The following MAGI1 variants were observed in gnomAD, a reference collection of about 807,000 sequenced individuals.
MAGI1 encodes the protein membrane-associated guanylate kinase, WW and PDZ domain-containing protein 1.
Under a neutral mutation model 139.9 loss-of-function variants are expected in MAGI1, and 58 were observed. The observed-to-expected ratio is 0.41, with a 90% CI of 0.34 to 0.52. The LOEUF is 0.52. Ranked by LOEUF, MAGI1 falls within the 20% of genes least tolerant of loss-of-function variation. The pLI, the probability that MAGI1 is intolerant of heterozygous loss-of-function variation, is 0.12. For missense variants in MAGI1, 1,874 were observed against 1,901.6 expected, an observed-to-expected ratio of 0.99 and a Z score of 0.27; for synonymous variants, 812 against 737.9, an observed-to-expected ratio of 1.10 and a Z score of -1.63.
chr3:65,494,523 G>C (rs1427011851), intron 2 of MAGI1, among the ~76,000 whole-genome samples: 1 of 152,078 alleles, frequency 6.6e-6, no homozygotes, highest in Non-Finnish European at 1.5e-5. Flanking sequence ...AGGAGCCTAT[G>C]TTAAATATTA....
chr3:65,615,554 A>AT (rs1425074020), intron 2 of MAGI1, among the ~76,000 whole-genome samples: 14 of 152,082 alleles, frequency 9.2e-5, no homozygotes, highest in Non-Finnish European at 1.8e-4. Flanking sequence ...TGTCACAAAT[A>AT]TGGGGGATGC....
intron 1 of MAGI1, among the ~76,000 whole-genome samples, chr3:65,839,284 C>T (rs879671495): frequency 5.3e-5 from 8 of 152,112 alleles, no homozygotes; most frequent in Admixed American, 4.6e-4. Flanking sequence ...TGCTGCCAGA[C>T]ATAGAAAAGT....
chr3:65,758,124 G>A (rs977535297), intron 1 of MAGI1, among the ~76,000 whole-genome samples: 1 of 152,182 alleles, frequency 6.6e-6, no homozygotes, highest in African/African-American at 2.4e-5. Context: ...TCAAAGGTCT[G>A]TTGACTCGAG....
intron 2 of MAGI1, among the ~76,000 whole-genome samples, chr3:65,600,539 G>T (rs1202252192): frequency 6.6e-6 from 1 of 152,162 alleles, no homozygotes; most frequent in Non-Finnish European, 1.5e-5. Context: ...TCCAGCAGAA[G>T]CCAGGAGAGA....
chr3:65,787,205 C>G (rs1220373985), intron 1 of MAGI1, among the ~76,000 whole-genome samples: 1 of 152,086 alleles, frequency 6.6e-6, no homozygotes, highest in Non-Finnish European at 1.5e-5. Context: ...AAGGCAATCT[C>G]TGAAAGGTTT....
intron 2 of MAGI1, among the ~76,000 whole-genome samples, chr3:65,581,447 G>C (rs1377701506): frequency 1.3e-5 from 2 of 152,106 alleles, no homozygotes; most frequent in East Asian, 3.9e-4. Flanking sequence ...GTTGCCACAT[G>C]ACCCGATTCT....
intron 1 of MAGI1, among the ~76,000 whole-genome samples, chr3:65,940,508 C>T (rs1287085777): frequency 6.6e-6 from 1 of 152,118 alleles, no homozygotes; most frequent in African/African-American, 2.4e-5. Context: ...TTTATAAGAG[C>T]ACTAATCCCA....
intron 1 of MAGI1, among the ~76,000 whole-genome samples, chr3:65,660,020 A>G (rs986110959): frequency 1.3e-5 from 2 of 152,214 alleles, no homozygotes; most frequent in African/African-American, 4.8e-5. Flanking sequence ...CAACCATTTA[A>G]TCTACCTGGT....
At chr3:65,767,112 A>G (rs2037550384) in intron 1 of MAGI1, among the ~76,000 whole-genome samples, 1 of 152,148 alleles carries the variant, frequency 6.6e-6, no homozygotes, top group African/African-American at 2.4e-5. Context: ...ATCTGCACAC[A>G]TGTTCTGTCT....
In MAGI1 at chr3:65,360,505, TG is replaced by T. The variant is rs1940732055; in HGVS notation, c.3634+693del. On this transcript the variant is annotated intron_variant, in intron 22 of 22. Coordinates refer to ENST00000402939, the MANE Select transcript of MAGI1 (RefSeq NM_001033057.2). ...CTAAAGATATGACAAAGGAACTCTA[TG>T]TATAACCTGGCTTTCCTCATAGGAA... 4 of 985,116 alleles carry T rather than the reference TG, an allele frequency of 4.1e-6. No homozygotes were observed. The South Asian group carries it at 1.9e-4, about 46-fold the overall frequency. 61.0% of individuals were successfully genotyped at this position (985,116 alleles called of 1,614,324 possible). A position where few individuals can be genotyped will look rare whatever the true frequency, so the allele number is the denominator to read the frequency against.
chr3:65,865,177 C>A (rs1354032046), intron 1 of MAGI1, among the ~76,000 whole-genome samples: 1 of 152,162 alleles, frequency 6.6e-6, no homozygotes. Flanking sequence ...GAAACCAAGT[C>A]AGCATAAACT....
chr3:65,865,595 C>T (rs2059697497), intron 1 of MAGI1, among the ~76,000 whole-genome samples: 2 of 152,086 alleles, frequency 1.3e-5, no homozygotes. Context: ...GATCCTGTCT[C>T]AAAAAATAAA....
chr3:65,823,241 TTA>T (rs1290579723), intron 1 of MAGI1, among the ~76,000 whole-genome samples: 10 of 152,320 alleles, frequency 6.6e-5, no homozygotes, highest in African/African-American at 2.4e-4. Context: ...CTGGACAGAA[TTA>T]AGCAGAGTTT....
At chr3:65,922,716 G>A (rs1046066150) in intron 1 of MAGI1, among the ~76,000 whole-genome samples, 5 of 152,142 alleles carry the variant, frequency 3.3e-5, no homozygotes, top group Admixed American at 3.3e-4. Flanking sequence ...AGGAGAACAC[G>A]ATGAATCAAC....
intron 1 of MAGI1, among the ~76,000 whole-genome samples, chr3:65,699,237 G>T (rs1200443312): frequency 3.9e-5 from 4 of 102,764 alleles, no homozygotes; most frequent in African/African-American, 1.8e-4. Context: ...ACAGGTGCTG[G>T]AGAGGATGTG....
chr3:65,488,015 T>C (rs976751183), intron 3 of MAGI1, among the ~76,000 whole-genome samples: 10 of 152,224 alleles, frequency 6.6e-5, no homozygotes, highest in African/African-American at 2.4e-4. Flanking sequence ...TACAGAATAC[T>C]GAACATTCCC....
chr3:65,570,324 A>T (rs1365017466), intron 2 of MAGI1, among the ~76,000 whole-genome samples: 2 of 151,566 alleles, frequency 1.3e-5, no homozygotes, highest in Non-Finnish European at 2.9e-5. Context: ...CTGGTCTCAA[A>T]CTCCTGACTT....
At chr3:65,772,158 T>G (rs2038007909) in intron 1 of MAGI1, among the ~76,000 whole-genome samples, 2 of 151,966 alleles carry the variant, frequency 1.3e-5, no homozygotes, top group African/African-American at 4.8e-5. Flanking sequence ...ATCATGCCAC[T>G]GCACTCCAGC....
chr3:65,729,563 T>C (rs1423844441), intron 1 of MAGI1, among the ~76,000 whole-genome samples: 1 of 152,206 alleles, frequency 6.6e-6, no homozygotes, highest in Non-Finnish European at 1.5e-5. Flanking sequence ...TGAATCTAAC[T>C]CAGGGAAGAG....
Sources: gnomAD v4.1 joint callset for allele counts (sites outside exome capture counted in the v4.1 genomes callset) on GRCh38, gnomAD v4.1.1 for gene constraint, MANE v1.5 for transcripts, NCBI Gene and HGNC (gene_info 2026-07-23, HGNC 2026-07-21) for gene names.